SDHA: variants seen among roughly 807,000 people sequenced by gnomAD.
SDHA encodes the protein succinate dehydrogenase [ubiquinone] flavoprotein subunit, mitochondrial.
SDHA carries 48 observed loss-of-function variants against 78.4 expected under a neutral mutation model. The observed-to-expected ratio is 0.61, with a 90% CI of 0.49 to 0.78. The LOEUF is 0.78. SDHA is among the 30% of genes least tolerant of loss of function. SDHA has a pLI of 0.00. For missense variants in SDHA, 680 were observed against 892.7 expected (o/e 0.76, Z 3.04); for synonymous variants, 326 against 353.9 (o/e 0.92, Z 0.88).
At chr5:267,487 G>A in the SDHA span, among the ~76,000 whole-genome samples, 1 of 152,216 alleles carries the variant, frequency 6.6e-6, no homozygotes, top group South Asian at 2.1e-4. Context: ...CAAAGGACAG[G>A]ATGGTTATCT....
intron 3 of SDHA, chr5:224,795 C>T (rs531464899): frequency 1.4e-4 from 72 of 500,130 alleles, no homozygotes; most frequent in African/African-American, 1.2e-3. Context: ...CACCTACCCC[C>T]GCCACCCCAA....
At chr5:246,885 C>T (rs1423309656) in intron 11 of SDHA, among the ~76,000 whole-genome samples, 1 of 152,178 alleles carries the variant, frequency 6.6e-6, no homozygotes, top group Admixed American at 6.5e-5. Flanking sequence ...AAAAAATTGT[C>T]CCTCTCACGA....
At chr5:244,668 C>T (rs1446264461) in intron 11 of SDHA, among the ~76,000 whole-genome samples, 1 of 152,166 alleles carries the variant, frequency 6.6e-6, no homozygotes, top group Non-Finnish European at 1.5e-5. Context: ...GTCTGTGTGG[C>T]CAATTCAACC....
intron 11 of SDHA, among the ~76,000 whole-genome samples, chr5:245,671 C>T (rs1332268530): frequency 6.6e-6 from 1 of 152,232 alleles, no homozygotes; most frequent in African/African-American, 2.4e-5. Context: ...GATTACTACT[C>T]TTTACTCCTA....
intron 6 of SDHA, among the ~76,000 whole-genome samples, chr5:229,862 T>G (rs1735278331): frequency 8.0e-6 from 1 of 125,024 alleles, no homozygotes; most frequent in Non-Finnish European, 1.5e-5. Context: ...GTTAACATTA[T>G]ACAGCATGGT....
chr5:257,774 G>T (rs1238822253), downstream of SDHA, among the ~76,000 whole-genome samples: 1 of 94,454 alleles, frequency 1.1e-5, no homozygotes, highest in Admixed American at 1.0e-4. Context: ...GCCCCTGCCA[G>T]AGCATTACCT....
intron 13 of SDHA, among the ~76,000 whole-genome samples, chr5:253,887 G>A (rs572806897): frequency 6.6e-6 from 1 of 152,054 alleles, no homozygotes; most frequent in African/African-American, 2.4e-5. Context: ...ATGGCGAAAC[G>A]TGTCTCTACA....
Position 256,604 on chromosome 5 carries a change from A to T in SDHA, c.*184A>T. ...GAACCCAGTGGCCAGGGAGCGTGGC[A>T]CTTACCTTTGTCCCTTGCTTCATTC... On this transcript the variant is annotated 3_prime_UTR_variant, in exon 15 of 15. Coordinates refer to ENST00000264932, the MANE Select transcript of SDHA (RefSeq NM_004168.4). 2 of 644,462 alleles carry T rather than the reference A, an allele frequency of 3.1e-6. No individual in the cohort carries two copies. The highest frequency in any genetic ancestry group is 5.7e-6 in the Non-Finnish European group (2 of 352,312). The allele number at this position is 644,462 out of a possible 1,614,324, so 39.9% of individuals were successfully genotyped here.
At position 251,469 on chromosome 5, in the gene SDHA, G is replaced by A. The variant is rs876659595; in HGVS notation, c.1794+1G>A. On this transcript the variant is annotated splice_donor_variant, in intron 13 of 14. Transcript: ENST00000264932. LOFTEE classifies it high-confidence loss of function. ...CGCGCATGCCAGGGAAGACTACAAG[G>A]TGGGCCTTCTCACCACGCCCACCTG... 6.2e-7 allele frequency: 1 copy of A among 1,613,960 alleles called. No homozygotes were observed. Among genetic ancestry groups the A allele is most frequent in the Non-Finnish European group, 8.5e-7 (1 of 1,179,868 alleles).
In SDHA at chr5:240,564, G is replaced by A. The variant is rs900132412; in HGVS notation, c.1551+88G>A. 23 of 846,636 alleles carry A rather than the reference G, an allele frequency of 2.7e-5. No individual in the cohort carries two copies. The African/African-American group carries it at 3.6e-4, about 13-fold the overall frequency. 52.4% of individuals were successfully genotyped at this position (846,636 alleles called of 1,614,324 possible). A position where few individuals can be genotyped will look rare whatever the true frequency, so the allele number is the denominator to read the frequency against. ...TTGTTTTTTAAAAACTAGATCTAGGGGGATGCAGGTGCAGTTTTGTGTGGA... is the reference window on the plus strand; with the variant it reads ...TTGTTTTTTAAAAACTAGATCTAGGAGGATGCAGGTGCAGTTTTGTGTGGA... On this transcript the variant is annotated intron_variant, in intron 11 of 14. Transcript: ENST00000264932.
chr5:258,567 C>T (rs1453545611), downstream of SDHA, among the ~76,000 whole-genome samples: 1 of 128,536 alleles, frequency 7.8e-6, no homozygotes, highest in Non-Finnish European at 1.6e-5. Flanking sequence ...TTGCCGTGAG[C>T]TCCGCCCCCC....
chr5:251,237 A>G lies in SDHA; in HGVS notation c.1664-101A>G, dbSNP rs1736804938. On this transcript the variant is annotated intron_variant, in intron 12 of 14. Coordinates refer to ENST00000264932, the MANE Select transcript of SDHA (RefSeq NM_004168.4). ...GGTCCTGGCCCACAGCTATAAAGCC[A>G]CAACCAGTGACTCCATGGACTAGCA... The G allele has an allele frequency of 4.0e-6, 6 of 1,509,802 alleles. No homozygotes were observed. The South Asian group carries it at 6.9e-5, about 17-fold the overall frequency. The allele number at this position is 1,509,802 out of a possible 1,614,324, so 93.5% of individuals were successfully genotyped here.
At chr5:244,136 C>G (rs1736305041) in intron 11 of SDHA, among the ~76,000 whole-genome samples, 1 of 152,044 alleles carries the variant, frequency 6.6e-6, no homozygotes, top group African/African-American at 2.4e-5. Context: ...CGGGGCATTT[C>G]CGGCTCAGGC....
rs1269114291 is a variant in SDHA, at chr5:251,352, A to G, written c.1678A>G (p.Thr560Ala). 5.0e-6 allele frequency: 8 copies of G among 1,613,466 alleles called. No individual in the cohort carries two copies. Among genetic ancestry groups the G allele is most frequent in the Non-Finnish European group, 6.8e-6 (8 of 1,179,722 alleles). Residue 560 changes from threonine to alanine, a missense_variant, in exon 13 of 15, where the codon ACG (threonine) becomes GCG (alanine). Transcript: ENST00000264932. ...TGTGTCCCCAGGAATGGTCTGGAAC[A>G]CGGACCTGGTGGAGACCCTGGAGCT... is the stretch of plus-strand genomic sequence containing the variant. ...KTFDRGMVWN[T>A]DLVETLELQN... is the part of the protein sequence containing the mutation.
downstream of SDHA, among the ~76,000 whole-genome samples, chr5:258,661 AGCTCCGCCTCCTGTC>A (rs1401665085): frequency 2.5e-4 from 28 of 110,450 alleles, 1 homozygote; most frequent in Non-Finnish European, 4.2e-4. Context: ...TTACCGTGTG[AGCTCCGCCTCCTGTC>A]ACAGCATTAC....
downstream of SDHA, among the ~76,000 whole-genome samples, chr5:257,527 C>T (rs1397791903): frequency 1.5e-5 from 2 of 134,608 alleles, 1 homozygote; most frequent in East Asian, 4.4e-4. Context: ...CCTGTTGGAG[C>T]ATTACTGTGT....
At position 254,410 on chromosome 5, in the gene SDHA, C is replaced by T. The variant is rs1436919553; in HGVS notation, c.1812C>T (p.Tyr604=). Residue 604 remains tyrosine (Y), a synonymous_variant, in exon 14 of 15, where the codon TAC becomes TAT. Transcript: ENST00000264932. Reference sequence around the variant, plus strand: ...GGCCTCAGGTGCGGATTGATGAGTACGATTACTCCAAGCCCATCCAGGGGC... The same window carrying T: ...GGCCTCAGGTGCGGATTGATGAGTATGATTACTCCAAGCCCATCCAGGGGC... ...REDYKVRIDE[Y]DYSKPIQGQQ... The T allele has an allele frequency of 4.4e-6, 7 of 1,603,206 alleles. No homozygotes were observed. Among genetic ancestry groups the T allele is most frequent in the South Asian group, 1.1e-5 (1 of 89,222 alleles).
At chr5:252,572 C>G (rs1455866590) in intron 13 of SDHA, among the ~76,000 whole-genome samples, 1 of 128,652 alleles carries the variant, frequency 7.8e-6, no homozygotes, top group Non-Finnish European at 1.6e-5. Flanking sequence ...AGTTTAGTAA[C>G]GAGTAAGTCA....
chr5:226,206 A>G lies in SDHA; in HGVS notation c.621+159A>G, dbSNP rs551900309. On this transcript the variant is annotated intron_variant, in intron 5 of 14. Transcript: ENST00000264932. Reference sequence around the variant, plus strand: ...CGCATGCAGCGACTGTGGATGTGACAGGACCAGACGTGTGCCTTGAGGAGC... The same window carrying G: ...CGCATGCAGCGACTGTGGATGTGACGGGACCAGACGTGTGCCTTGAGGAGC... 3.9e-5 allele frequency among the ~76,000 whole-genome samples: 6 copies of G among 152,326 alleles called. No individual in the cohort carries two copies. In the South Asian group the frequency reaches 8.3e-4, roughly 21 times the overall value.
Sources: gnomAD v4.1 joint callset for allele counts (sites outside exome capture counted in the v4.1 genomes callset) on GRCh38, gnomAD v4.1.1 for gene constraint, MANE v1.5 for transcripts, NCBI Gene and HGNC (gene_info 2026-07-23, HGNC 2026-07-21) for gene names.